The following PPRC1 variants were observed in gnomAD, a reference collection of about 807,000 sequenced individuals.
PPRC1 encodes peroxisome proliferator-activated receptor gamma coactivator-related protein 1.
In PPRC1, 23 loss-of-function variants were observed where a neutral mutation model predicts 132.5. The observed-to-expected ratio is 0.17, with a 90% CI of 0.12 to 0.25. PPRC1 has a LOEUF of 0.25. PPRC1 is among the 10% of genes least tolerant of loss of function. The probability of loss-of-function intolerance (pLI) is 1.00; values close to 1 mark genes in which losing one functional copy is unlikely to be tolerated. For synonymous variants in PPRC1, 872 were observed against 833.5 expected, an observed-to-expected ratio of 1.05 and a Z score of -0.80; for missense variants, 2,006 against 2,089.1, an observed-to-expected ratio of 0.96 and a Z score of 0.78.
upstream of PPRC1, among the ~76,000 whole-genome samples, chr10:102,131,812 C>G (rs1328735145): frequency 6.6e-6 from 1 of 152,134 alleles, no homozygotes; most frequent in Non-Finnish European, 1.5e-5. Context: ...TGTGTGCCAC[C>G]ATGTCCAGCT....
upstream of PPRC1, among the ~76,000 whole-genome samples, chr10:102,132,498 T>A (rs2068561514): frequency 6.6e-6 from 1 of 152,186 alleles, no homozygotes; most frequent in Non-Finnish European, 1.5e-5. Flanking sequence ...AGAAACAAAT[T>A]TGATAGAGAA....
Position 102,137,953 on chromosome 10 carries a change from A to G in PPRC1, c.257A>G (p.Gln86Arg). The stretch of plus-strand genomic sequence containing the variant: ...CTGGAAATGGAGGAGCTAATGCTGC[A>G]GGATGAGACACTGCTGGGGACCATG... The part of the protein sequence containing the change: ...KDLEMEELML[Q>R]DETLLGTMQS... Residue 86 changes from glutamine (Q) to arginine (R), a missense_variant, in exon 2 of 14, where the codon CAG (glutamine) becomes CGG (arginine). By Grantham distance (43) the Gln-to-Arg change is conservative (BLOSUM62 1). Transcript: ENST00000278070. 5 of 1,614,194 alleles carry G rather than the reference A, an allele frequency of 3.1e-6. No individual in the cohort carries two copies. The highest frequency in any genetic ancestry group is 4.2e-6 in the Non-Finnish European group (5 of 1,180,030).
In PPRC1 at chr10:102,141,325, C is replaced by G; in HGVS notation, c.2817C>G (p.Pro939=). ...CTTCTGGCTATCCTTGCCTGCCCCC[C>G]CCACCAACGGTGCCCCTAGTGTCTG... is the stretch of plus-strand genomic sequence containing the variant. The part of the protein sequence containing the change: ...VSPSGYPCLP[P]PPTVPLVSGT... The change falls in exon 5 of 14, where the codon CCC becomes CCG. Residue 939 remains proline, a synonymous_variant. Transcript: ENST00000278070. 1.9e-6 allele frequency: 3 copies of G among 1,614,088 alleles called. No individual in the cohort carries two copies. The highest frequency in any genetic ancestry group is 1.1e-5 in the South Asian group (1 of 91,082).
chr10:102,144,609 A>G (rs1373191029), intron 7 of PPRC1: 3 of 499,466 alleles, frequency 6.0e-6, no homozygotes, highest in African/African-American at 5.8e-5. Flanking sequence ...ATTTAATAAC[A>G]CTTCAAGTTT....
chr10:102,139,985 G>T lies in PPRC1; in HGVS notation c.1477G>T (p.Val493Leu), dbSNP rs1450880227. 1 of 1,614,256 alleles carries T rather than the reference G, an allele frequency of 6.2e-7. No individual in the cohort carries two copies. Among genetic ancestry groups the T allele is most frequent in the South Asian group, 1.1e-5 (1 of 91,088 alleles). ...CGGGCAGTCTACTGTAGGTACAGAA[G>T]TGACCTCTCAGGTAGACAACTTGCA... Reference protein sequence around the residue: ...SRGQSTVGTEVTSQVDNLQKQ... With the variant: ...SRGQSTVGTELTSQVDNLQKQ... The change falls in exon 5 of 14, where the codon GTG (valine) becomes TTG (leucine). Residue 493 changes from valine (V) to leucine (L), a missense_variant. Around this residue, in one of 2 missense-constraint regions of PPRC1, gnomAD observed 1,914 missense variants for 1,917.2 expected, o/e 1.00. Transcript: ENST00000278070.
intron 7 of PPRC1, 79 bp downstream of exon 7, chr10:102,144,386 T>G (rs1260479367): frequency 5.8e-6 from 8 of 1,373,178 alleles, no homozygotes; most frequent in Non-Finnish European, 8.2e-6. Flanking sequence ...GTCAACTGGA[T>G]GCCTCTGTTG....
At chr10:102,142,074 C>T in intron 5 of PPRC1, 70 bp downstream of exon 5, 2 of 1,482,942 alleles carry the variant, frequency 1.3e-6, no homozygotes, top group Non-Finnish European at 1.8e-6. Context: ...GATAAGCCAC[C>T]CTGATGAGGC....
chr10:102,147,289 G>A lies in PPRC1; in HGVS notation c.4297G>A (p.Gly1433Arg). Reference sequence around the variant, plus strand: ...CCGCAACAGCCGTTCTGTCAGCTCTGGGTCCAACCGGACTAGCGAAGCATC... The same window carrying A: ...CCGCAACAGCCGTTCTGTCAGCTCTAGGTCCAACCGGACTAGCGAAGCATC... ...RGRNSRSVSS[G>R]SNRTSEASSS... Residue 1433 changes from glycine to arginine, a missense_variant, in exon 9 of 14, where the codon GGG (glycine) becomes AGG (arginine). Gly to Arg is a moderately radical substitution (Grantham distance 125, BLOSUM62 -2). Transcript: ENST00000278070. 2.5e-6 allele frequency: 4 copies of A among 1,612,856 alleles called. No individual in the cohort carries two copies. The highest frequency in any genetic ancestry group is 3.4e-6 in the Non-Finnish European group (4 of 1,180,030).
rs1392328360 is a variant in PPRC1, at chr10:102,138,897, C to T, written c.508C>T (p.Leu170Phe). Residue 170 changes from leucine to phenylalanine, a missense_variant, in exon 4 of 14, where the codon CTC becomes TTC. By Grantham distance (22) the Leu-to-Phe change is conservative. Transcript: ENST00000278070. Reference sequence around the variant, plus strand: ...CTCTTAGCTGCACAAGCTGCTTACTCTCTCTCGGACACCCCCAGAACGTGA... The same window carrying T: ...CTCTTAGCTGCACAAGCTGCTTACTTTCTCTCGGACACCCCCAGAACGTGA... ...EGSSLHKLLT[L>F]SRTPPERDLI... The T allele has an allele frequency of 3.7e-6, 6 of 1,614,022 alleles. No individual in the cohort carries two copies. In the East Asian group the frequency reaches 1.3e-4, roughly 36 times the overall value.
chr10:102,143,569 A>T (rs1235535213), intron 6 of PPRC1, among the ~76,000 whole-genome samples: 1 of 149,332 alleles, frequency 6.7e-6, no homozygotes, highest in Non-Finnish European at 1.5e-5. Flanking sequence ...ATTGCACTCT[A>T]GCCTGGGCCA....
chr10:102,148,487 C>G lies in PPRC1; in HGVS notation c.4516C>G (p.Pro1506Ala). 1 of 1,613,376 alleles carries G rather than the reference C, an allele frequency of 6.2e-7. No homozygotes were observed. Among genetic ancestry groups the G allele is most frequent in the Non-Finnish European group, 8.5e-7 (1 of 1,179,288 alleles). The change falls in exon 10 of 14, where the codon CCA becomes GCA. Residue 1506 changes from proline to alanine, a missense_variant. This residue lies in a region of PPRC1 where 1,914 missense variants were observed against 1,917.2 expected (regional missense o/e 1.00). Transcript: ENST00000278070. The surrounding 1 kb of genome is among the most constrained non-coding windows in gnomAD (Gnocchi z 4.2). Reference protein sequence around the residue: ...SSSSRSRSRSPSPRRRSDRRR... With the variant: ...SSSSRSRSRSASPRRRSDRRR... ...CAGTTCTCGAAGCCGCTCACGATCC[C>G]CATCCCCCCGCCGGAGAAGTGACAG...
At chr10:102,124,100 T>A in the PPRC1 span, among the ~76,000 whole-genome samples, 10 of 151,850 alleles carry the variant, frequency 6.6e-5, no homozygotes, top group Non-Finnish European at 1.3e-4. Context: ...AGTCTCGCTC[T>A]TGTCGCCCAG....
At chr10:102,122,627 C>T in the PPRC1 span, among the ~76,000 whole-genome samples, 2 of 152,184 alleles carry the variant, frequency 1.3e-5, no homozygotes, top group South Asian at 4.2e-4. Context: ...CCACTTACGC[C>T]TAAGGCCACT....
intron 5 of PPRC1, chr10:102,142,821 T>C (rs2069053832): frequency 2.5e-6 from 1 of 398,112 alleles, no homozygotes; most frequent in Admixed American, 4.0e-5. Context: ...CTGGGATTTA[T>C]AGGCACAGGT....
intron 5 of PPRC1, among the ~76,000 whole-genome samples, chr10:102,142,689 C>CAGGT (rs1274226555): frequency 6.6e-6 from 1 of 152,010 alleles, no homozygotes; most frequent in African/African-American, 2.4e-5. Context: ...GCTGGGATTA[C>CAGGT]AGGTGTAAGC....
chr10:102,125,614 A>C, the PPRC1 span, among the ~76,000 whole-genome samples: 1 of 152,040 alleles, frequency 6.6e-6, no homozygotes, highest in African/African-American at 2.4e-5. Context: ...GGACACAGGC[A>C]GGAGGTACTG....
chr10:102,144,127 A>G (rs748817371), intron 6 of PPRC1, 123 bp from the exon 7 acceptor site: 2 of 882,674 alleles, frequency 2.3e-6, no homozygotes, highest in Non-Finnish European at 3.8e-6. Context: ...CTTTGGGGAG[A>G]TCCCAACAGG....
the PPRC1 span, chr10:102,120,438 C>T: frequency 1.0e-6 from 1 of 972,324 alleles, no homozygotes; most frequent in Non-Finnish European, 1.2e-6. Context: ...GCCGAGCGCC[C>T]CCCTCTCCGC....
the PPRC1 span, among the ~76,000 whole-genome samples, chr10:102,122,827 A>G: frequency 1.3e-5 from 2 of 152,214 alleles, no homozygotes; most frequent in Admixed American, 6.5e-5. Flanking sequence ...TTACTTGAGC[A>G]TGCACTAATG....
Sources: gnomAD v4.1 joint callset for allele counts (sites outside exome capture counted in the v4.1 genomes callset) on GRCh38, gnomAD v4.1.1 for gene constraint, gnomAD v4.1.1 regional missense constraint, Gnocchi (gnomAD v3.1) non-coding constraint, MANE v1.5 for transcripts, NCBI Gene and HGNC (gene_info 2026-07-23, HGNC 2026-07-21) for gene names.